Variants in LCLAT1 observed in about 807,000 individuals in gnomAD.
LCLAT1 encodes lysocardiolipin acyltransferase 1.
A neutral mutation model predicts 30.7 loss-of-function variants in LCLAT1; 11 were observed. The observed-to-expected ratio is 0.36, with a 90% confidence interval of 0.23 to 0.59. The LOEUF is 0.59. Among genes scored for constraint, LCLAT1 ranks in the 20% least tolerant of loss-of-function variants. LCLAT1 has a pLI of 0.77. For missense variants in LCLAT1, 402 were observed against 458.6 expected, an observed-to-expected ratio of 0.88 and a Z score of 1.13; for synonymous variants, 155 against 151.3, an observed-to-expected ratio of 1.02 and a Z score of -0.18.
intron 5 of LCLAT1, among the ~76,000 whole-genome samples, chr2:30,585,588 T>C (rs1429893711): frequency 6.6e-6 from 1 of 152,170 alleles, no homozygotes; most frequent in African/African-American, 2.4e-5. Context: ...AACATCTCAC[T>C]CTCTAGGCTG....
At chr2:30,637,015 C>T (rs907206895) in intron 5 of LCLAT1, among the ~76,000 whole-genome samples, 2 of 152,128 alleles carry the variant, frequency 1.3e-5, no homozygotes, top group Non-Finnish European at 2.9e-5. Context: ...ATGTTAGAAG[C>T]AGAAGTATTG....
chr2:30,521,096 T>C (rs1685446384), intron 1 of LCLAT1, among the ~76,000 whole-genome samples: 1 of 152,156 alleles, frequency 6.6e-6, no homozygotes, highest in African/African-American at 2.4e-5. Flanking sequence ...AAAACCAAGA[T>C]GGCGACAAGA....
intron 5 of LCLAT1, among the ~76,000 whole-genome samples, chr2:30,593,407 A>G (rs537080591): frequency 2.6e-5 from 4 of 152,270 alleles, no homozygotes; most frequent in East Asian, 1.9e-4. Context: ...TGATTGATCT[A>G]TGCATCTGTT....
intron 5 of LCLAT1, among the ~76,000 whole-genome samples, chr2:30,626,277 A>G (rs1304379141): frequency 6.6e-6 from 1 of 152,200 alleles, no homozygotes; most frequent in Non-Finnish European, 1.5e-5. Context: ...TTGTAAACAA[A>G]TTTGTTGGGC....
chr2:30,612,935 G>C (rs1306242128), intron 5 of LCLAT1, among the ~76,000 whole-genome samples: 4 of 152,102 alleles, frequency 2.6e-5, no homozygotes, highest in Admixed American at 6.6e-5. Flanking sequence ...CAATAAGTAC[G>C]TAAAATTTAT....
At chr2:30,553,937 A>C (rs1664797330) in intron 3 of LCLAT1, among the ~76,000 whole-genome samples, 2 of 152,376 alleles carry the variant, frequency 1.3e-5, no homozygotes, top group South Asian at 4.1e-4. Flanking sequence ...GGATCTTAAC[A>C]TTAAGAAAAA....
chr2:30,592,126 C>G (rs976523931), intron 5 of LCLAT1, among the ~76,000 whole-genome samples: 1 of 152,176 alleles, frequency 6.6e-6, no homozygotes, highest in Admixed American at 6.5e-5. Flanking sequence ...TTTTTGCCCT[C>G]TTCAATCTGT....
intron 2 of LCLAT1, among the ~76,000 whole-genome samples, chr2:30,528,221 CTT>C (rs34534165): frequency 6.6e-6 from 1 of 152,042 alleles, no homozygotes; most frequent in Non-Finnish European, 1.5e-5. Context: ...TGGGAAATGT[CTT>C]TTTTTTCTGG....
intron 5 of LCLAT1, among the ~76,000 whole-genome samples, chr2:30,611,781 C>G (rs1050754082): frequency 2.0e-5 from 3 of 152,150 alleles, no homozygotes; most frequent in African/African-American, 7.2e-5. Context: ...GCTTAGCAGA[C>G]CACTTGAACT....
chr2:30,505,379 T>C (rs1684609892), intron 1 of LCLAT1, among the ~76,000 whole-genome samples: 1 of 152,012 alleles, frequency 6.6e-6, no homozygotes, highest in African/African-American at 2.4e-5. Flanking sequence ...AATGGAGTTT[T>C]ATTGTTTTAA....
chr2:30,626,032 T>A (rs1000661234), intron 5 of LCLAT1, among the ~76,000 whole-genome samples: 8 of 152,220 alleles, frequency 5.3e-5, no homozygotes, highest in African/African-American at 1.9e-4. Flanking sequence ...GCACCGTGAG[T>A]GCTCTGTAGA....
chr2:30,519,859 C>T (rs910669644), intron 1 of LCLAT1, among the ~76,000 whole-genome samples: 1 of 152,134 alleles, frequency 6.6e-6, no homozygotes, highest in East Asian at 1.9e-4. Context: ...TGTTACTGTT[C>T]GAGCTGAGCT....
chr2:30,571,781 G>A (rs768926133), intron 5 of LCLAT1, among the ~76,000 whole-genome samples: 2 of 152,138 alleles, frequency 1.3e-5, no homozygotes, highest in African/African-American at 2.4e-5. Context: ...AAGACCTTCC[G>A]TTATGTTAAA....
intron 5 of LCLAT1, among the ~76,000 whole-genome samples, chr2:30,609,192 G>C (rs762820953): frequency 6.6e-5 from 10 of 151,884 alleles, no homozygotes; most frequent in Non-Finnish European, 8.8e-5. Context: ...TTGAATTTTA[G>C]ACATTGCAGG....
chr2:30,547,398 G>A (rs1664474146), intron 3 of LCLAT1, among the ~76,000 whole-genome samples: 2 of 152,142 alleles, frequency 1.3e-5, no homozygotes, highest in Admixed American at 6.5e-5. Context: ...CTAAAGGTCA[G>A]AAGTAGTATT....
At chr2:30,562,411 C>T in intron 4 of LCLAT1, 119 bp downstream of exon 4, 1 of 762,670 alleles carries the variant, frequency 1.3e-6, no homozygotes, top group East Asian at 2.9e-5. Flanking sequence ...TGGTCCATCC[C>T]TGGAATCCTA....
At chr2:30,617,451 G>C (rs113594918) in intron 5 of LCLAT1, among the ~76,000 whole-genome samples, 1 of 152,064 alleles carries the variant, frequency 6.6e-6, no homozygotes, top group Non-Finnish European at 1.5e-5. Flanking sequence ...AGACACCTGC[G>C]TTATTTACAA....
intron 5 of LCLAT1, among the ~76,000 whole-genome samples, chr2:30,598,097 G>A (rs1667009597): frequency 6.6e-6 from 1 of 152,110 alleles, no homozygotes; most frequent in South Asian, 2.1e-4. Context: ...TTGGCCTGAA[G>A]TTTTCTTTTT....
chr2:30,602,029 TTGACAGACTTTC>T (rs2148492323), intron 5 of LCLAT1, among the ~76,000 whole-genome samples: 1 of 152,212 alleles, frequency 6.6e-6, no homozygotes, highest in Non-Finnish European at 1.5e-5. Context: ...GAAGAGGCAT[TTGACAGACTTTC>T]CTTTTGTTAG....
Sources: allele counts gnomAD v4.1 joint callset (sites outside exome capture counted in the v4.1 genomes callset), GRCh38; gene constraint gnomAD v4.1.1; transcripts MANE v1.5; gene names NCBI Gene and HGNC (gene_info 2026-07-23, HGNC 2026-07-21).